The following RFTN2 variants were observed in gnomAD, a reference collection of about 807,000 sequenced individuals.
RFTN2 encodes raftlin-2.
In RFTN2, 34 loss-of-function variants were observed where a neutral mutation model predicts 52.7. That is an observed-to-expected ratio of 0.64 (90% confidence interval 0.49 to 0.86). RFTN2 has a LOEUF of 0.86. Among genes scored for constraint, RFTN2 ranks in the 40% least tolerant of loss-of-function variants. The pLI, the probability that RFTN2 is intolerant of heterozygous loss-of-function variation, is 0.00. For synonymous variants in RFTN2, 203 were observed against 217.7 expected, an observed-to-expected ratio of 0.93 and a Z score of 0.59; for missense variants, 536 against 600.1, an observed-to-expected ratio of 0.89 and a Z score of 1.12.
intron 3 of RFTN2, among the ~76,000 whole-genome samples, chr2:197,638,473 G>A (rs1352822566): frequency 6.5e-5 from 5 of 76,592 alleles, no homozygotes; most frequent in Non-Finnish European, 1.3e-4. Flanking sequence ...TTGTTGAATT[G>A]ATCCCTTTAC....
chr2:197,599,229 G>A (rs1324931438), intron 7 of RFTN2, among the ~76,000 whole-genome samples: 4 of 152,162 alleles, frequency 2.6e-5, no homozygotes, highest in East Asian at 1.9e-4. Context: ...GTGAGCCACC[G>A]CGCCCAGCCT....
intron 6 of RFTN2, among the ~76,000 whole-genome samples, chr2:197,616,309 A>ATTTTATTTTATTTTATTTGTTTTATTTT (rs1553601950): frequency 8.0e-6 from 1 of 125,040 alleles, no homozygotes; most frequent in Non-Finnish European, 1.7e-5. Flanking sequence ...ATTTTATTTT[A>ATTTTATTTTATTTTATTTGTTTTATTTT]AAGAGAGGGT....
chr2:197,649,581 CT>C (rs2088798454), intron 1 of RFTN2, among the ~76,000 whole-genome samples: 1 of 152,188 alleles, frequency 6.6e-6, no homozygotes, highest in African/African-American at 2.4e-5. Flanking sequence ...GCTGCTCTTG[CT>C]GACTTGGTTG....
chr2:197,598,340 A>G (rs2087823942), intron 7 of RFTN2, among the ~76,000 whole-genome samples: 1 of 152,128 alleles, frequency 6.6e-6, no homozygotes, highest in South Asian at 2.1e-4. Flanking sequence ...AAAGTAAAGA[A>G]AAAAGAAAAA....
intron 4 of RFTN2, among the ~76,000 whole-genome samples, chr2:197,631,783 T>C (rs557802856): frequency 6.6e-6 from 1 of 152,342 alleles, no homozygotes; most frequent in South Asian, 2.1e-4. Context: ...GACATGGAAA[T>C]GCTGGATCAT....
intron 1 of RFTN2, among the ~76,000 whole-genome samples, chr2:197,672,416 T>C (rs573832765): frequency 1.3e-5 from 2 of 152,156 alleles, no homozygotes; most frequent in Non-Finnish European, 2.9e-5. Flanking sequence ...AAGTAACCAA[T>C]ACTTGATGAT....
Position 197,663,801 on chromosome 2 carries a change from G to A in RFTN2, c.139+11519C>T, listed in dbSNP as rs1159022147. The stretch of plus-strand genomic sequence containing the variant: ...TTTGTATTGTTTTTGTCTGTATTTT[G>A]TTTAGTTCTACTCTTTATTATTTTT... On this transcript the variant is annotated intron_variant, in intron 1 of 8. Coordinates refer to ENST00000295049, the MANE Select transcript of RFTN2 (RefSeq NM_144629.3). 2.0e-5 allele frequency among the ~76,000 whole-genome samples: 3 copies of A among 151,798 alleles called. No individual in the cohort carries two copies. In the South Asian group the frequency reaches 6.2e-4, roughly 32 times the overall value.
At chr2:197,675,245 T>C in intron 1 of RFTN2, 75 bp downstream of exon 1, 2 of 1,185,068 alleles carry the variant, frequency 1.7e-6, no homozygotes, top group Non-Finnish European at 1.2e-6. Flanking sequence ...TAAAAATTTA[T>C]TAAGTCAACA....
At chr2:197,595,903 A>T in intron 8 of RFTN2, 88 bp downstream of exon 8, 1 of 918,610 alleles carries the variant, frequency 1.1e-6, no homozygotes, top group Non-Finnish European at 1.7e-6. Flanking sequence ...TATCATGTCC[A>T]CGCTTTCTTA....
chr2:197,611,007 C>T (rs754341504), intron 7 of RFTN2, among the ~76,000 whole-genome samples: 4 of 152,124 alleles, frequency 2.6e-5, no homozygotes, highest in Non-Finnish European at 5.9e-5. Flanking sequence ...CTGCTGGATT[C>T]GGTTTGCCAG....
chr2:197,659,176 C>T lies in RFTN2; in HGVS notation c.140-12510G>A, dbSNP rs547401901. On this transcript the variant is annotated intron_variant, in intron 1 of 8. Coordinates refer to ENST00000295049, the MANE Select transcript of RFTN2 (RefSeq NM_144629.3). ...ATATGTTCTTTCCACCAATTTACCT[C>T]TGATGACTGGTGTGTATTTTTGAAA... 2.0e-5 allele frequency among the ~76,000 whole-genome samples: 3 copies of T among 152,248 alleles called. No individual in the cohort carries two copies. In the South Asian group the frequency reaches 6.2e-4, roughly 32 times the overall value.
At chr2:197,633,609 C>T in intron 4 of RFTN2, 109 bp downstream of exon 4, 1 of 851,284 alleles carries the variant, frequency 1.2e-6, no homozygotes, top group Admixed American at 2.8e-5. Flanking sequence ...TTCATTTAGT[C>T]ATTATAATCT....
intron 1 of RFTN2, among the ~76,000 whole-genome samples, chr2:197,651,075 ACTGT>A (rs1559364437): frequency 6.6e-6 from 1 of 152,156 alleles, no homozygotes; most frequent in Non-Finnish European, 1.5e-5. Flanking sequence ...CATTTGGAGA[ACTGT>A]CTGTTCAAAC....
intron 8 of RFTN2, among the ~76,000 whole-genome samples, chr2:197,590,729 G>A (rs1244419964): frequency 6.6e-6 from 1 of 152,132 alleles, no homozygotes; most frequent in Admixed American, 6.5e-5. Flanking sequence ...TGAACCCGCA[G>A]ACCTCCACGG....
chr2:197,620,390 G>T (rs1415528963), intron 5 of RFTN2, among the ~76,000 whole-genome samples: 2 of 152,018 alleles, frequency 1.3e-5, no homozygotes, highest in Non-Finnish European at 2.9e-5. Context: ...TTTTTCCCAT[G>T]GTCATGTGCT....
intron 5 of RFTN2, among the ~76,000 whole-genome samples, chr2:197,621,852 G>A (rs1574715455): frequency 6.6e-6 from 1 of 152,154 alleles, no homozygotes; most frequent in Non-Finnish European, 1.5e-5. Flanking sequence ...GCTTAGTGAG[G>A]AAGACATGTC....
At chr2:197,595,190 A>G (rs1422344957) in intron 8 of RFTN2, among the ~76,000 whole-genome samples, 1 of 152,214 alleles carries the variant, frequency 6.6e-6, no homozygotes, top group Non-Finnish European at 1.5e-5. Context: ...AGATAACATA[A>G]AAGAAAAGTG....
chr2:197,612,959 A>T (rs1407980970), intron 7 of RFTN2, among the ~76,000 whole-genome samples: 1 of 152,236 alleles, frequency 6.6e-6, no homozygotes, highest in Non-Finnish European at 1.5e-5. Context: ...CACTGACAGT[A>T]ATTTTAAGTT....
chr2:197,569,634 A>C lies in RFTN2; in HGVS notation c.*2374T>G, dbSNP rs2106152764. 6.6e-6 allele frequency: 1 copy of C among 152,336 alleles called. No homozygotes were observed. Among genetic ancestry groups the C allele is most frequent in the Admixed American group, 6.5e-5 (1 of 15,292 alleles). The allele number at this position is 152,336 out of a possible 1,614,324, so 9.4% of individuals were successfully genotyped here. A position where few individuals can be genotyped will look rare whatever the true frequency, so the allele number is the denominator to read the frequency against. Reference sequence around the variant, plus strand: ...AAATAAACTGAGAAAGTATGCTTACACAAATTTTTTAAAAAAGCGATTGCT... The same window carrying C: ...AAATAAACTGAGAAAGTATGCTTACCCAAATTTTTTAAAAAAGCGATTGCT... On this transcript the variant is annotated 3_prime_UTR_variant, in exon 9 of 9. Coordinates refer to ENST00000295049, the MANE Select transcript of RFTN2 (RefSeq NM_144629.3).
Sources: allele counts gnomAD v4.1 joint callset (sites outside exome capture counted in the v4.1 genomes callset), GRCh38; gene constraint gnomAD v4.1.1; transcripts MANE v1.5; gene names NCBI Gene and HGNC (gene_info 2026-07-23, HGNC 2026-07-21).